Variants in CECR2 observed in about 807,000 individuals in gnomAD.
CECR2 encodes CECR2 histone acetyl-lysine reader, also known as chromatin remodeling regulator CECR2.
A neutral mutation model predicts 154.5 loss-of-function variants in CECR2; 30 were observed. The observed-to-expected ratio is 0.19, with a 90% CI of 0.15 to 0.26. The LOEUF (loss-of-function observed/expected upper bound fraction) is 0.26, where lower values mean the gene tolerates loss of function less well. Ranked by LOEUF, CECR2 falls within the 10% of genes least tolerant of loss-of-function variation. CECR2 has a pLI of 1.00. For missense variants in CECR2, 1,743 were observed against 1,829.3 expected (o/e 0.95, Z 0.86); for synonymous variants, 725 against 683.7 (o/e 1.06, Z -0.94).
At chr22:17,402,615 A>G (rs1022786191) in intron 1 of CECR2, among the ~76,000 whole-genome samples, 6 of 152,286 alleles carry the variant, frequency 3.9e-5, no homozygotes, top group South Asian at 2.1e-4. Flanking sequence ...GCTTCCTCTC[A>G]TGTTTAATCT....
intron 1 of CECR2, among the ~76,000 whole-genome samples, chr22:17,463,276 A>G (rs900194833): frequency 9.2e-5 from 14 of 152,192 alleles, no homozygotes; most frequent in African/African-American, 3.1e-4. Context: ...CTGACAGGTG[A>G]GGTCTTAGAG....
chr22:17,382,100 C>A (rs563212786), intron 1 of CECR2, among the ~76,000 whole-genome samples: 4 of 151,676 alleles, frequency 2.6e-5, no homozygotes, highest in East Asian at 3.9e-4. Context: ...CCGTGTTAGC[C>A]AGGATGGTCT....
chr22:17,538,234 G>C (rs562661467), intron 10 of CECR2, among the ~76,000 whole-genome samples: 1 of 152,262 alleles, frequency 6.6e-6, no homozygotes, highest in East Asian at 1.9e-4. Flanking sequence ...AGTAAATAAA[G>C]AATGTGCAAT....
intron 1 of CECR2, among the ~76,000 whole-genome samples, chr22:17,427,962 A>G (rs903297821): frequency 6.6e-6 from 1 of 152,030 alleles, no homozygotes; most frequent in Non-Finnish European, 1.5e-5. Flanking sequence ...AAGCTTTCCT[A>G]TTTCTCCACA....
chr22:17,476,750 C>G (rs1007675741), intron 1 of CECR2, among the ~76,000 whole-genome samples: 1 of 152,160 alleles, frequency 6.6e-6, no homozygotes, highest in Non-Finnish European at 1.5e-5. Flanking sequence ...AGATTGCATC[C>G]TGGTTGAAAG....
chr22:17,394,305 C>T (rs761338686), intron 1 of CECR2, among the ~76,000 whole-genome samples: 2 of 143,798 alleles, frequency 1.4e-5, no homozygotes, highest in Non-Finnish European at 3.0e-5. Flanking sequence ...TGGGCTCAAA[C>T]AGTCTTCCCA....
intron 1 of CECR2, among the ~76,000 whole-genome samples, chr22:17,435,797 A>C (rs1008461254): frequency 3.3e-5 from 5 of 151,962 alleles, no homozygotes. Context: ...CTCTCTGGCC[A>C]AATTAATTAA....
Position 17,420,278 on chromosome 22 carries a change from AT to A in CECR2, c.126+50372del, listed in dbSNP as rs1385679395. Reference sequence around the variant, plus strand: ...GATTGCGATGGATTCCAAATAAAGAATTTAGAAATATGGGAAGATTTAATTA... The same window carrying A: ...GATTGCGATGGATTCCAAATAAAGAATTAGAAATATGGGAAGATTTAATTA... On this transcript the variant is annotated intron_variant, in intron 1 of 18. Coordinates refer to ENST00000262608, the MANE Select transcript of CECR2 (RefSeq NM_001290047.2). Among the ~76,000 whole-genome samples the A allele has an allele frequency of 6.7e-5, 10 of 150,220 alleles. No homozygotes were observed. In the East Asian group the frequency reaches 1.9e-3, roughly 29 times the overall value.
chr22:17,535,049 G>C (rs2056417273), intron 9 of CECR2, among the ~76,000 whole-genome samples: 2 of 151,924 alleles, frequency 1.3e-5, no homozygotes, highest in Admixed American at 1.3e-4. Flanking sequence ...TATTCGGGAG[G>C]CTGAGGCAGG....
At chr22:17,511,031 T>C (rs1569132215) in intron 7 of CECR2, among the ~76,000 whole-genome samples, 2 of 152,252 alleles carry the variant, frequency 1.3e-5, no homozygotes, top group South Asian at 4.2e-4. Context: ...ACCTAATGGA[T>C]TAAGTGGTGC....
intron 2 of CECR2, among the ~76,000 whole-genome samples, chr22:17,491,841 GT>G (rs1357860487): frequency 6.6e-6 from 1 of 152,062 alleles, no homozygotes; most frequent in Non-Finnish European, 1.5e-5. Flanking sequence ...TTATGTACAT[GT>G]TTCTCTAGGC....
Position 17,443,667 on chromosome 22 carries a change from G to A in CECR2, c.127-33921G>A, listed in dbSNP as rs906796836. Among the ~76,000 whole-genome samples, 8 of 152,132 alleles carry A rather than the reference G, an allele frequency of 5.3e-5. No individual in the cohort carries two copies. The East Asian group carries it at 1.3e-3, about 26-fold the overall frequency. On this transcript the variant is annotated intron_variant, in intron 1 of 18. Coordinates refer to ENST00000262608, the MANE Select transcript of CECR2 (RefSeq NM_001290047.2). ...CCGCAGCACCCCGCACCTTCACATC[G>A]CCTGTTCTGTGCACCACTGTTGTCT...
Position 17,478,949 on chromosome 22 carries a change from T to G in CECR2, c.221+1267T>G, listed in dbSNP as rs1391690960. Among the ~76,000 whole-genome samples, 15 of 152,026 alleles carry G rather than the reference T, an allele frequency of 9.9e-5. 1 individual carries two copies. Among genetic ancestry groups the G allele is most frequent in the Admixed American group, 8.5e-4 (13 of 15,284 alleles). ...ATGTAGACTTGGGAGTTTGTAATTT[T>G]TAAGCACTGTTGTATTCGTACCTTG... On this transcript the variant is annotated intron_variant, in intron 2 of 18. Coordinates refer to ENST00000262608, the MANE Select transcript of CECR2 (RefSeq NM_001290047.2).
intron 2 of CECR2, among the ~76,000 whole-genome samples, chr22:17,480,121 G>A (rs140777963): frequency 2.6e-5 from 4 of 152,056 alleles, no homozygotes; most frequent in African/African-American, 9.6e-5. Flanking sequence ...AATTTGCAGA[G>A]TTTATTGGCC....
chr22:17,520,861 T>A (rs958806150), intron 8 of CECR2, among the ~76,000 whole-genome samples: 6 of 152,184 alleles, frequency 3.9e-5, no homozygotes, highest in Non-Finnish European at 8.8e-5. Context: ...TTGGGTTGGT[T>A]CCAAGTCTTT....
chr22:17,503,479 T>C (rs1018418058), intron 6 of CECR2, among the ~76,000 whole-genome samples: 9 of 152,238 alleles, frequency 5.9e-5, no homozygotes, highest in East Asian at 1.9e-4. Context: ...TACTACATAC[T>C]GGTTTCCTAC....
At chr22:17,412,734 C>T (rs1306069677) in intron 1 of CECR2, among the ~76,000 whole-genome samples, 2 of 152,098 alleles carry the variant, frequency 1.3e-5, no homozygotes, top group Admixed American at 6.5e-5. Context: ...AGTCTCCATC[C>T]GCCTTGTATT....
chr22:17,366,152 C>T (rs73153486), upstream of CECR2, among the ~76,000 whole-genome samples: 2 of 152,048 alleles, frequency 1.3e-5, no homozygotes, highest in Admixed American at 1.3e-4. Context: ...CAGAAAACAG[C>T]ACGAATGAGA....
chr22:17,507,534 C>T (rs952983087), intron 7 of CECR2, among the ~76,000 whole-genome samples: 2 of 152,028 alleles, frequency 1.3e-5, no homozygotes, highest in African/African-American at 4.8e-5. Context: ...TCACCTTAAG[C>T]CTTCTTTTAT....
Sources: allele counts gnomAD v4.1 joint callset (sites outside exome capture counted in the v4.1 genomes callset), GRCh38; gene constraint gnomAD v4.1.1; transcripts MANE v1.5; gene names NCBI Gene and HGNC (gene_info 2026-07-23, HGNC 2026-07-21).